Variants in AP1G1 observed in about 807,000 individuals in gnomAD.
AP1G1 encodes AP-1 complex subunit gamma-1.
In AP1G1, 7 loss-of-function variants were observed where a neutral mutation model predicts 108.3. That is an observed-to-expected ratio of 0.06 (90% CI 0.04 to 0.12). The LOEUF (loss-of-function observed/expected upper bound fraction) is 0.12, where lower values mean the gene tolerates loss of function less well. Among genes scored for constraint, AP1G1 ranks in the 10% least tolerant of loss-of-function variants. The pLI, the probability that AP1G1 is intolerant of heterozygous loss-of-function variation, is 1.00. For missense variants in AP1G1, 756 were observed against 1,010.7 expected (o/e 0.75, Z 3.42); for synonymous variants, 379 against 353.5 (o/e 1.07, Z -0.81).
In AP1G1 at chr16:71,749,880, G is replaced by C. The variant is rs780199378; in HGVS notation, c.1497+14C>G. Reference sequence around the variant, plus strand: ...ACTATTTTCCCCCACTTAACCAAGAGTGACAAGGAGTACCTGAATAGGCTC... The same window carrying C: ...ACTATTTTCCCCCACTTAACCAAGACTGACAAGGAGTACCTGAATAGGCTC... On this transcript the variant is annotated intron_variant, in intron 15 of 22. Coordinates refer to ENST00000299980, the MANE Select transcript of AP1G1 (RefSeq NM_001128.6). 6.3e-7 allele frequency: 1 copy of C among 1,579,546 alleles called. No individual in the cohort carries two copies. The highest frequency in any genetic ancestry group is 2.2e-5 in the East Asian group (1 of 44,718).
chr16:71,733,853 G>T (rs1416297196), intron 22 of AP1G1, among the ~76,000 whole-genome samples: 4 of 152,144 alleles, frequency 2.6e-5, no homozygotes, highest in African/African-American at 7.2e-5. Context: ...TTTAAAAAAT[G>T]ACTTAACTCA....
At chr16:71,782,752 C>T (rs2145510036) in intron 2 of AP1G1, among the ~76,000 whole-genome samples, 1 of 151,138 alleles carries the variant, frequency 6.6e-6, no homozygotes, top group South Asian at 2.1e-4. Flanking sequence ...TCCCAAAGTG[C>T]TGGGATTACA....
chr16:71,757,279 T>C (rs2030846815), intron 11 of AP1G1, among the ~76,000 whole-genome samples: 1 of 151,858 alleles, frequency 6.6e-6, no homozygotes, highest in Admixed American at 6.6e-5. Flanking sequence ...GGCAAAACCC[T>C]GTCTCTACTA....
At chr16:71,797,269 G>T (rs1005211503) in intron 1 of AP1G1, among the ~76,000 whole-genome samples, 2 of 151,968 alleles carry the variant, frequency 1.3e-5, no homozygotes, top group African/African-American at 2.4e-5. Context: ...TAATGTTGAA[G>T]GAGGTTATCT....
chr16:71,806,027 A>T (rs1304266837), intron 1 of AP1G1, among the ~76,000 whole-genome samples: 1 of 41,292 alleles, frequency 2.4e-5, no homozygotes, highest in Admixed American at 4.0e-4. Context: ...AACAATAAAA[A>T]TAATAAAAAA....
chr16:71,770,116 T>A (rs944212302), intron 5 of AP1G1, among the ~76,000 whole-genome samples: 3 of 152,164 alleles, frequency 2.0e-5, no homozygotes, highest in African/African-American at 7.2e-5. Context: ...ATAAAACGCA[T>A]CAAAACTCTG....
At chr16:71,790,418 T>C (rs2032356343) in intron 1 of AP1G1, among the ~76,000 whole-genome samples, 1 of 151,246 alleles carries the variant, frequency 6.6e-6, no homozygotes, top group Non-Finnish European at 1.5e-5. Context: ...CACATGCCTG[T>C]AATCCCAGCT....
Position 71,802,119 on chromosome 16 carries a change from T to C in AP1G1, c.-4+6644A>G, listed in dbSNP as rs1326723013. ...GTATTTGGTTGAAAGAGCTAACTTA[T>C]ATAAATGATTATACAGTTGTACAAC... On this transcript the variant is annotated intron_variant, in intron 1 of 22. Coordinates refer to ENST00000299980, the MANE Select transcript of AP1G1 (RefSeq NM_001128.6). 3.3e-5 allele frequency among the ~76,000 whole-genome samples: 5 copies of C among 152,170 alleles called. No individual in the cohort carries two copies. The East Asian group carries it at 5.8e-4, about 18-fold the overall frequency.
intron 19 of AP1G1, among the ~76,000 whole-genome samples, chr16:71,744,575 T>TTTG: frequency 6.8e-6 from 1 of 146,380 alleles, no homozygotes; most frequent in South Asian, 2.3e-4. Flanking sequence ...AAGTGTGTTT[T>TTTG]TTTTTTTTTT....
At chr16:71,760,680 G>A (rs1374428722) in intron 10 of AP1G1, among the ~76,000 whole-genome samples, 1 of 152,008 alleles carries the variant, frequency 6.6e-6, no homozygotes, top group Non-Finnish European at 1.5e-5. Flanking sequence ...GAGTAGCTGG[G>A]ACTACAGGTG....
At chr16:71,772,221 CCTGG>C (rs1316731590) in intron 4 of AP1G1, among the ~76,000 whole-genome samples, 1 of 151,900 alleles carries the variant, frequency 6.6e-6, no homozygotes, top group African/African-American at 2.4e-5. Flanking sequence ...AGCTCCGCCT[CCTGG>C]GTTCACATCA....
rs1452690450 is a variant in AP1G1, at chr16:71,744,130, G to A, written c.1999+1014C>T. On this transcript the variant is annotated intron_variant, in intron 19 of 22. Coordinates refer to ENST00000299980, the MANE Select transcript of AP1G1 (RefSeq NM_001128.6). Reference sequence around the variant, plus strand: ...ATGGTGGTGCGTGCCTGTGATCCCAGCTACTCAGGAGGCTGAGGCAGAAGA... The same window carrying A: ...ATGGTGGTGCGTGCCTGTGATCCCAACTACTCAGGAGGCTGAGGCAGAAGA... 2.0e-5 allele frequency among the ~76,000 whole-genome samples: 3 copies of A among 152,042 alleles called. No homozygotes were observed. The South Asian group carries it at 6.2e-4, about 32-fold the overall frequency.
At chr16:71,792,370 C>G (rs1281701019) in intron 1 of AP1G1, among the ~76,000 whole-genome samples, 1 of 152,052 alleles carries the variant, frequency 6.6e-6, no homozygotes, top group Admixed American at 6.6e-5. Flanking sequence ...TGGAGAAGGG[C>G]AATGACAAAT....
chr16:71,755,393 T>C (rs1229213368), intron 12 of AP1G1, among the ~76,000 whole-genome samples: 3 of 151,912 alleles, frequency 2.0e-5, no homozygotes, highest in Non-Finnish European at 4.4e-5. Context: ...GCCGAGACTG[T>C]GCCACTGCAC....
chr16:71,808,559 G>A (rs990953772), intron 1 of AP1G1: 3 of 1,288,262 alleles, frequency 2.3e-6, no homozygotes, highest in Non-Finnish European at 3.0e-6. Context: ...CTCCCGGTCC[G>A]AGGCCTCGGG....
intron 16 of AP1G1, among the ~76,000 whole-genome samples, chr16:71,747,742 G>C (rs1316874189): frequency 6.6e-6 from 1 of 152,068 alleles, no homozygotes; most frequent in Non-Finnish European, 1.5e-5. Flanking sequence ...TGCACTTTGG[G>C]AGGTCAGGGC....
rs912201426 is a variant in AP1G1, at chr16:71,739,026, G to A, written c.2184C>T (p.Pro728=). 1.9e-6 allele frequency: 3 copies of A among 1,614,008 alleles called. No homozygotes were observed. The highest frequency in any genetic ancestry group is 2.7e-5 in the African/African-American group (2 of 74,920). Residue 728 remains proline (P), a synonymous_variant, in exon 21 of 23, where the codon CCC becomes CCT. Coordinates refer to ENST00000299980, the MANE Select transcript of AP1G1 (RefSeq NM_001128.6). ...EFTFERSNTN[P]SVTVITIQAS... ...CCTGTATCGTTATCACTGTTACACT[G>A]GGGTTGGTATTTGACCGTTCAAAGG...
chr16:71,807,810 A>G (rs1384192517), intron 1 of AP1G1: 1 of 1,289,340 alleles, frequency 7.8e-7, no homozygotes, highest in Non-Finnish European at 1.0e-6. Context: ...CCTCAGATTA[A>G]TATTTTTCTC....
chr16:71,751,970 C>T (rs1288951183), intron 13 of AP1G1, among the ~76,000 whole-genome samples: 1 of 152,130 alleles, frequency 6.6e-6, no homozygotes, highest in Non-Finnish European at 1.5e-5. Flanking sequence ...CAATCTCTCT[C>T]ATGAATACAC....
Sources: allele counts gnomAD v4.1 joint callset (sites outside exome capture counted in the v4.1 genomes callset), GRCh38; gene constraint gnomAD v4.1.1; transcripts MANE v1.5; gene names NCBI Gene and HGNC (gene_info 2026-07-23, HGNC 2026-07-21).